The following MCC variants were observed in gnomAD, a reference collection of about 807,000 sequenced individuals.
MCC encodes MCC regulator of Wnt signaling pathway.
A neutral mutation model predicts 116.2 loss-of-function variants in MCC; 90 were observed. The ratio of observed to expected loss-of-function variants is 0.77; its 90% CI spans 0.65 to 0.92. MCC has a LOEUF of 0.92. Ranked by LOEUF, MCC falls within the 40% of genes least tolerant of loss-of-function variation. The pLI is 0.00. For synonymous variants in MCC, 578 were observed against 510.5 expected (o/e 1.13, Z -1.78); for missense variants, 1,516 against 1,312.2 (o/e 1.16, Z -2.40).
intron 9 of MCC, among the ~76,000 whole-genome samples, chr5:113,084,890 C>G (rs1165280612): frequency 2.0e-5 from 3 of 152,234 alleles, no homozygotes; most frequent in Non-Finnish European, 2.9e-5. Context: ...CTTGACAAAA[C>G]GTCTCACTCT....
At position 113,426,947 on chromosome 5, in the gene MCC, C is replaced by A. The variant is rs534647452; in HGVS notation, c.171-41735G>T. On this transcript the variant is annotated intron_variant, in intron 1 of 18. Transcript: ENST00000408903. ...ACTACCTCTCCACAAACAAAATCCA[C>A]AAAACTCATCCTCAAAATAGCCTTT... Among the ~76,000 whole-genome samples the A allele has an allele frequency of 1.8e-4, 28 of 152,246 alleles. No homozygotes were observed. In the South Asian group the frequency reaches 5.6e-3, roughly 30 times the overall value.
At chr5:113,219,158 C>T (rs542478840) in intron 3 of MCC, among the ~76,000 whole-genome samples, 60 of 152,212 alleles carry the variant, frequency 3.9e-4, no homozygotes, top group African/African-American at 1.4e-3. Context: ...AAGATAATAA[C>T]AAGTTCGCTG....
rs59401267 is a variant in MCC at position 113,042,305 on chromosome 5, C to CAAA, written c.2756+1222_2756+1224dup. Among the ~76,000 whole-genome samples, 180 of 89,480 alleles carry CAAA rather than the reference C, an allele frequency of 2.0e-3. 1 individual carries two copies. Among genetic ancestry groups the CAAA allele is most frequent in the Middle Eastern group, 0.02 (3 of 150 alleles). 58.7% of individuals were successfully genotyped at this position (89,480 alleles called of 152,430 possible). ...TGGGCAACGTAGGGAGACCCTGTCTCAAAAAAAAAAAAAAAAAAAATTAGC... is the reference window on the plus strand; with the variant it reads ...TGGGCAACGTAGGGAGACCCTGTCTCAAAAAAAAAAAAAAAAAAAAAAATTAGC... On this transcript the variant is annotated intron_variant, in intron 17 of 18. Transcript: ENST00000408903.
Position 113,488,312 on chromosome 5 carries a change from C to T in MCC, c.103G>A (p.Gly35Ser). ...AGGCGCCGCATCCTCTCCTCCTCGC[C>T]GGTGCTGGACGTGTCGCTGCTGCTG... ...SSSSSDTSSTGEEERMRRLFQ... is the reference protein window; with the variant it reads ...SSSSSDTSSTSEEERMRRLFQ... Residue 35 changes from glycine to serine, a missense_variant, in exon 1 of 19, where the codon GGC becomes AGC. Coordinates refer to ENST00000408903, the MANE Select transcript of MCC (RefSeq NM_001085377.2). 1.3e-6 allele frequency: 2 copies of T among 1,574,648 alleles called. No homozygotes were observed. The highest frequency in any genetic ancestry group is 1.7e-6 in the Non-Finnish European group (2 of 1,164,366).
intron 1 of MCC, among the ~76,000 whole-genome samples, chr5:113,451,127 C>T (rs1771380128): frequency 6.6e-6 from 1 of 152,056 alleles, no homozygotes; most frequent in African/African-American, 2.4e-5. Context: ...AAAATAAGAA[C>T]CCATAGCTGG....
At chr5:113,204,901 G>C (rs1369855346) in intron 3 of MCC, among the ~76,000 whole-genome samples, 3 of 152,178 alleles carry the variant, frequency 2.0e-5, no homozygotes, top group African/African-American at 4.8e-5. Context: ...AATATGAATA[G>C]TACAGAAAAC....
chr5:113,372,506 A>T (rs1254830590), intron 2 of MCC, among the ~76,000 whole-genome samples: 19 of 152,180 alleles, frequency 1.2e-4, no homozygotes, highest in Admixed American at 1.1e-3. Flanking sequence ...AAGTTTAAAA[A>T]ATATATATAT....
chr5:113,440,611 AAGG>A (rs1230289504), intron 1 of MCC, among the ~76,000 whole-genome samples: 8 of 152,156 alleles, frequency 5.3e-5, no homozygotes, highest in Admixed American at 6.5e-5. Context: ...GAGGGAGGGA[AAGG>A]AGGAGAGAGA....
chr5:113,055,050 G>C (rs747981287), intron 14 of MCC, among the ~76,000 whole-genome samples: 4 of 152,224 alleles, frequency 2.6e-5, no homozygotes, highest in Admixed American at 6.5e-5. Context: ...GTCTGAAGAT[G>C]GCAGAGGAAA....
At chr5:113,282,261 C>T (rs116251814) in intron 3 of MCC, among the ~76,000 whole-genome samples, 1,670 of 152,260 alleles carry the variant, frequency 0.011, 28 homozygotes, top group African/African-American at 0.038. Context: ...ATCCTGACCC[C>T]AATATGTCAT....
At chr5:113,113,267 C>T (rs764800803) in intron 6 of MCC, among the ~76,000 whole-genome samples, 40 of 152,300 alleles carry the variant, frequency 2.6e-4, no homozygotes, top group Non-Finnish European at 4.0e-4. Context: ...TGTAGCTCTA[C>T]GGCTGAAACC....
intron 15 of MCC, among the ~76,000 whole-genome samples, chr5:113,052,536 T>C (rs937043822): frequency 4.6e-5 from 7 of 152,166 alleles, no homozygotes; most frequent in African/African-American, 1.7e-4. Flanking sequence ...TTCGCCCAGA[T>C]TCTAGCTCAA....
At chr5:113,246,272 A>T (rs1171970870) in intron 3 of MCC, among the ~76,000 whole-genome samples, 1 of 152,218 alleles carries the variant, frequency 6.6e-6, no homozygotes, top group Admixed American at 6.5e-5. Context: ...GGTTCAATAC[A>T]ATGAGATCCC....
At chr5:113,141,634 G>A (rs1317590270) in intron 5 of MCC, among the ~76,000 whole-genome samples, 1 of 152,262 alleles carries the variant, frequency 6.6e-6, no homozygotes, top group East Asian at 1.9e-4. Context: ...GAATCCCCTC[G>A]AGGAGGGGCC....
intron 14 of MCC, among the ~76,000 whole-genome samples, chr5:113,056,142 A>G (rs915072729): frequency 5.3e-5 from 8 of 152,184 alleles, no homozygotes; most frequent in African/African-American, 1.9e-4. Flanking sequence ...ATTCTCTGCA[A>G]TGCCCTAAGA....
Position 113,434,555 on chromosome 5 carries a change from C to G in MCC, c.171-49343G>C, listed in dbSNP as rs751349054. The G allele has an allele frequency of 6.2e-7, 1 of 1,613,500 alleles. No individual in the cohort carries two copies. Among genetic ancestry groups the G allele is most frequent in the East Asian group, 2.2e-5 (1 of 44,832 alleles). ...TTTTGATTAACTCGAGGAGGTCGCC[C>G]TGGACCGCGAGCTCCATGACGATGT... On this transcript the variant is annotated intron_variant, in intron 1 of 18. Transcript: ENST00000408903. This position sits in a 1 kb window ranked among gnomAD's most constrained non-coding sequence, Gnocchi z 4.2.
In MCC at chr5:113,175,243, T is replaced by C. The variant is rs184123999; in HGVS notation, c.628-23821A>G. 3.9e-5 allele frequency among the ~76,000 whole-genome samples: 6 copies of C among 152,326 alleles called. No homozygotes were observed. In the East Asian group the frequency reaches 9.6e-4, roughly 24 times the overall value. Reference sequence around the variant, plus strand: ...GATATTAACAATGCAAATGTAAAAGTATCTCAGATGTAGAACAAACAAAAT... The same window carrying C: ...GATATTAACAATGCAAATGTAAAAGCATCTCAGATGTAGAACAAACAAAAT... On this transcript the variant is annotated intron_variant, in intron 3 of 18. Coordinates refer to ENST00000408903, the MANE Select transcript of MCC (RefSeq NM_001085377.2).
intron 1 of MCC, among the ~76,000 whole-genome samples, chr5:113,478,473 A>G (rs1469342908): frequency 6.6e-6 from 1 of 152,200 alleles, no homozygotes; most frequent in African/African-American, 2.4e-5. Flanking sequence ...GGAAGACTTC[A>G]AGTTTCTGAC....
At chr5:113,367,637 G>GC (rs141627023) in intron 2 of MCC, among the ~76,000 whole-genome samples, 1 of 95,834 alleles carries the variant, frequency 1.0e-5, no homozygotes, top group African/African-American at 3.8e-5. Context: ...GGTGGGGGGG[G>GC]GGAAGAGAGA....
Sources: gnomAD v4.1 joint callset for allele counts (sites outside exome capture counted in the v4.1 genomes callset) on GRCh38, gnomAD v4.1.1 for gene constraint, Gnocchi (gnomAD v3.1) non-coding constraint, MANE v1.5 for transcripts, NCBI Gene and HGNC (gene_info 2026-07-23, HGNC 2026-07-21) for gene names.